The following NUP58 variants were observed in gnomAD, a reference collection of about 807,000 sequenced individuals.
NUP58 encodes the protein nucleoporin p58/p45.
In NUP58, 17 loss-of-function variants were observed where a neutral mutation model predicts 70.1. That is an observed-to-expected ratio of 0.24 (90% CI 0.17 to 0.36). The LOEUF is 0.36. Ranked by LOEUF, NUP58 falls within the 10% of genes least tolerant of loss-of-function variation. NUP58 has a pLI of 1.00. For synonymous variants in NUP58, 275 were observed against 257.6 expected, an observed-to-expected ratio of 1.07 and a Z score of -0.65; for missense variants, 644 against 701.5, an observed-to-expected ratio of 0.92 and a Z score of 0.93.
chr13:25,326,759 T>A (rs2031410678), intron 10 of NUP58, among the ~76,000 whole-genome samples, 157 bp from the exon 11 acceptor site: 1 of 152,232 alleles, frequency 6.6e-6, no homozygotes, highest in Non-Finnish European at 1.5e-5. Flanking sequence ...TAATTTCTCC[T>A]TAATATCTTC....
chr13:25,320,706 A>T (rs549926101), intron 8 of NUP58, 111 bp downstream of exon 8: 1 of 817,910 alleles, frequency 1.2e-6, no homozygotes, highest in African/African-American at 1.8e-5. Flanking sequence ...TCTCTTAACT[A>T]GGGTTAAAAT....
intron 7 of NUP58, chr13:25,320,309 T>A: frequency 2.6e-6 from 1 of 390,248 alleles, no homozygotes; most frequent in Non-Finnish European, 4.5e-6. Flanking sequence ...TCTTCTTAGA[T>A]AAGAAATCTT....
chr13:25,312,472 ACT>A (rs930237734), intron 3 of NUP58, among the ~76,000 whole-genome samples: 4 of 151,960 alleles, frequency 2.6e-5, no homozygotes, highest in African/African-American at 9.7e-5. Context: ...GGTTCAAGTG[ACT>A]CTCGTACCTC....
downstream of NUP58, among the ~76,000 whole-genome samples, chr13:25,342,733 T>C (rs564097189): frequency 6.6e-5 from 10 of 152,298 alleles, no homozygotes; most frequent in Admixed American, 5.9e-4. Context: ...GTAGACCCTT[T>C]TAAATATGTC....
rs1218720848 is a variant in NUP58 at position 25,317,644 on chromosome 13, C to T, written c.686-1682C>T. 3.3e-5 allele frequency: 5 copies of T among 151,970 alleles called. No homozygotes were observed. In the East Asian group the frequency reaches 7.7e-4, roughly 23 times the overall value. 9.4% of individuals were successfully genotyped at this position (151,970 alleles called of 1,614,324 possible). On this transcript the variant is annotated intron_variant, in intron 6 of 15. Coordinates refer to ENST00000381736, the MANE Select transcript of NUP58 (RefSeq NM_014089.4). Reference sequence around the variant, plus strand: ...AAAGTTGGTGAATTATTTGGAGAAACATAAAATGAAATCCTTATTTTTATT... The same window carrying T: ...AAAGTTGGTGAATTATTTGGAGAAATATAAAATGAAATCCTTATTTTTATT...
intron 12 of NUP58, among the ~76,000 whole-genome samples, chr13:25,331,092 C>T (rs1303258122): frequency 1.3e-5 from 2 of 152,100 alleles, no homozygotes; most frequent in Non-Finnish European, 2.9e-5. Flanking sequence ...AAAAGCTTAG[C>T]TGATTTATTT....
intron 1 of NUP58, chr13:25,303,228 A>G: frequency 2.5e-6 from 1 of 400,424 alleles, no homozygotes; most frequent in Non-Finnish European, 4.8e-6. Context: ...AAGTTTAAAA[A>G]AGAAAAAAAA....
intron 12 of NUP58, among the ~76,000 whole-genome samples, chr13:25,329,327 T>G (rs925598492): frequency 1.3e-5 from 2 of 152,074 alleles, no homozygotes; most frequent in African/African-American, 2.4e-5. Context: ...ATGCTTTTTT[T>G]CCCCCCACGA....
chr13:25,333,359 C>G, intron 13 of NUP58: 1 of 985,320 alleles, frequency 1.0e-6, no homozygotes, highest in Non-Finnish European at 1.2e-6. Context: ...CTTGAGGAGC[C>G]TTTTGCTCAT....
At chr13:25,335,881 A>G (rs748215549) in intron 13 of NUP58, 27 of 1,079,744 alleles carry the variant, frequency 2.5e-5, no homozygotes, top group Non-Finnish European at 2.8e-5. Flanking sequence ...GAAAAAGACA[A>G]TACTGAAGAT....
exon 4 of NUP58, chr13:25,349,672 C>T (rs962330811): frequency 1.3e-5 from 2 of 152,562 alleles, no homozygotes; most frequent in Admixed American, 6.5e-5. Flanking sequence ...AAATATCTAC[C>T]TTTAAGGAAC....
At chr13:25,335,392 C>T in intron 13 of NUP58, 1 of 985,356 alleles carries the variant, frequency 1.0e-6, no homozygotes, top group South Asian at 4.7e-5. Context: ...CCAGCAGTGC[C>T]TCCTATTAAC....
intron 13 of NUP58, chr13:25,334,655 A>G (rs1019849036): frequency 2.8e-5 from 27 of 980,624 alleles, no homozygotes; most frequent in Middle Eastern, 1.0e-3. Flanking sequence ...AAATAACCAT[A>G]CTAATTACAT....
rs2137790401 is a variant in NUP58, at chr13:25,325,060, T to C, written c.1023T>C (p.Ala341=). 1 of 1,606,984 alleles carries C rather than the reference T, an allele frequency of 6.2e-7. No homozygotes were observed. The highest frequency in any genetic ancestry group is 2.2e-5 in the East Asian group (1 of 44,766). ...TPPGLQHEYA[A]PADYFRILVQ... The stretch of plus-strand genomic sequence containing the variant: ...CTGGACTTCAACATGAATATGCAGC[T>C]CCTGCTGAGTAAGTTGCTGGATTTT... The change falls in exon 10 of 16, where the codon GCT becomes GCC. Residue 341 remains alanine, a synonymous_variant. Coordinates refer to ENST00000381736, the MANE Select transcript of NUP58 (RefSeq NM_014089.4).
At chr13:25,311,272 G>A (rs969919039) in intron 3 of NUP58, among the ~76,000 whole-genome samples, 3 of 152,184 alleles carry the variant, frequency 2.0e-5, no homozygotes, top group East Asian at 1.9e-4. Flanking sequence ...GGTATATGTC[G>A]TGCCTTTAGA....
At chr13:25,309,482 T>C in intron 3 of NUP58, 200 bp downstream of exon 3, 2 of 446,680 alleles carry the variant, frequency 4.5e-6, no homozygotes, top group South Asian at 4.9e-5. Context: ...TAGAGTACTT[T>C]TATAATTCAG....
At chr13:25,305,536 T>A (rs1197920686) in intron 1 of NUP58, among the ~76,000 whole-genome samples, 2 of 152,132 alleles carry the variant, frequency 1.3e-5, no homozygotes, top group African/African-American at 4.8e-5. Flanking sequence ...CGCCTTCATA[T>A]GCCCAAGGTG....
intron 10 of NUP58, 60 bp downstream of exon 10, chr13:25,325,128 A>G (rs1001697517): frequency 2.6e-6 from 3 of 1,155,818 alleles, no homozygotes; most frequent in Non-Finnish European, 3.8e-6. Flanking sequence ...GAACAGTAAT[A>G]ATAGTATACA....
At chr13:25,333,686 T>A in intron 13 of NUP58, 1 of 985,434 alleles carries the variant, frequency 1.0e-6, no homozygotes, top group Non-Finnish European at 1.2e-6. Flanking sequence ...TTCTGAGCTC[T>A]GTTAGATACA....
Sources: gnomAD v4.1 joint callset for allele counts (sites outside exome capture counted in the v4.1 genomes callset) on GRCh38, gnomAD v4.1.1 for gene constraint, MANE v1.5 for transcripts, NCBI Gene and HGNC (gene_info 2026-07-23, HGNC 2026-07-21) for gene names.